ZC3H12B: variants seen among roughly 807,000 people sequenced by gnomAD.
ZC3H12B encodes the protein probable ribonuclease ZC3H12B.
A neutral mutation model predicts 43.9 loss-of-function variants in ZC3H12B; 7 were observed. That is an observed-to-expected ratio of 0.16 (90% CI 0.09 to 0.30). The LOEUF (loss-of-function observed/expected upper bound fraction) is 0.30. ZC3H12B is among the 10% of genes least tolerant of loss of function. The pLI is 1.00. For missense variants in ZC3H12B, 475 were observed against 670.2 expected (o/e 0.71, Z 3.22); for synonymous variants, 222 against 241.7 (o/e 0.92, Z 0.76).
chrX:65,273,502 G>A, the ZC3H12B span, among the ~76,000 whole-genome samples: 2 of 111,294 alleles, frequency 1.8e-5, no homozygotes, highest in African/African-American at 6.5e-5. Context: ...CCCAGAAAGA[G>A]AAGAGAAAGA....
At chrX:65,054,866 A>G in the ZC3H12B span, among the ~76,000 whole-genome samples, 1 of 111,342 alleles carries the variant, frequency 9.0e-6, no homozygotes, top group East Asian at 2.8e-4. Flanking sequence ...GTGGGAGTTC[A>G]CTCATGATTT....
intron 3 of ZC3H12B, among the ~76,000 whole-genome samples, chrX:65,472,180 T>C (rs1194440422): frequency 2.7e-5 from 3 of 111,973 alleles, no homozygotes; most frequent in African/African-American, 6.5e-5. Context: ...TGAGTATATG[T>C]GTTATCTGGA....
chrX:65,275,473 A>G, the ZC3H12B span, among the ~76,000 whole-genome samples: 5 of 113,079 alleles, frequency 4.4e-5, no homozygotes, highest in Non-Finnish European at 9.4e-5. Flanking sequence ...CTGACCCACT[A>G]TCTTCATGCA....
chrX:65,211,524 A>C, the ZC3H12B span, among the ~76,000 whole-genome samples: 1 of 105,074 alleles, frequency 9.5e-6, no homozygotes, highest in African/African-American at 3.4e-5. Flanking sequence ...TTTCCATCTT[A>C]GAAACAGAGA....
chrX:65,146,127 G>A, the ZC3H12B span, among the ~76,000 whole-genome samples: 6 of 110,819 alleles, frequency 5.4e-5, no homozygotes, highest in South Asian at 1.1e-3. Context: ...ATTATTTTTA[G>A]GTTTGGTCAT....
the ZC3H12B span, among the ~76,000 whole-genome samples, chrX:65,077,378 A>G: frequency 8.9e-6 from 1 of 112,081 alleles, no homozygotes; most frequent in Non-Finnish European, 1.9e-5. Context: ...CTCTGCTTCC[A>G]CTGCAGGTAG....
At chrX:65,440,252 G>A (rs750082681) in intron 3 of ZC3H12B, among the ~76,000 whole-genome samples, 10 of 112,139 alleles carry the variant, frequency 8.9e-5, no homozygotes, top group South Asian at 3.7e-4. Flanking sequence ...AGAGGTGTAT[G>A]AGCCCCAATG....
intron 3 of ZC3H12B, among the ~76,000 whole-genome samples, chrX:65,457,034 G>C (rs2067629124): frequency 2.0e-5 from 2 of 99,604 alleles, no homozygotes; most frequent in Non-Finnish European, 4.1e-5. Context: ...TCTAGGAAGT[G>C]AGGAGCGTCT....
chrX:65,452,130 G>T (rs2067523744), intron 3 of ZC3H12B, among the ~76,000 whole-genome samples: 1 of 111,248 alleles, frequency 9.0e-6, no homozygotes, highest in South Asian at 3.8e-4. Flanking sequence ...ACATGACAAG[G>T]TTGCCCACTC....
At chrX:65,142,294 G>C in the ZC3H12B span, among the ~76,000 whole-genome samples, 2 of 111,962 alleles carry the variant, frequency 1.8e-5, no homozygotes, top group African/African-American at 6.5e-5. Flanking sequence ...GTGGCTATTT[G>C]TACATCTTAT....
At chrX:65,165,023 CAT>C in the ZC3H12B span, among the ~76,000 whole-genome samples, 7 of 111,650 alleles carry the variant, frequency 6.3e-5, no homozygotes, top group Middle Eastern at 4.7e-3. Flanking sequence ...ACTTAGAGAA[CAT>C]AGAGAAAATG....
chrX:65,311,195 T>TAG, the ZC3H12B span, among the ~76,000 whole-genome samples: 5 of 111,281 alleles, frequency 4.5e-5, no homozygotes, highest in Admixed American at 9.5e-5. Context: ...AAACTACCAT[T>TAG]AGAGTGAACA....
chrX:65,272,967 T>C, the ZC3H12B span: 1 of 112,430 alleles, frequency 8.9e-6, no homozygotes, highest in Admixed American at 9.4e-5. Context: ...GTGTTCTGAC[T>C]TTAGCAACTG....
At chrX:65,058,007 G>T in the ZC3H12B span, among the ~76,000 whole-genome samples, 2 of 111,496 alleles carry the variant, frequency 1.8e-5, no homozygotes, top group Non-Finnish European at 1.9e-5. Flanking sequence ...AAGGTTTTTA[G>T]CTTCTTTGCG....
the ZC3H12B span, among the ~76,000 whole-genome samples, chrX:65,228,342 A>G: frequency 1.7e-4 from 19 of 111,730 alleles, no homozygotes; most frequent in Non-Finnish European, 3.0e-4. Flanking sequence ...AACACTTCAT[A>G]CTAAAAACTC....
At chrX:65,192,071 T>C in the ZC3H12B span, among the ~76,000 whole-genome samples, 8 of 110,521 alleles carry the variant, frequency 7.2e-5, no homozygotes, top group Non-Finnish European at 1.1e-4. Flanking sequence ...CAGTAGTCAT[T>C]GAGGAGCAGG....
chrX:65,402,160 C>T (rs1186434856), intron 3 of ZC3H12B, among the ~76,000 whole-genome samples: 1 of 111,634 alleles, frequency 9.0e-6, no homozygotes, highest in African/African-American at 3.3e-5. Flanking sequence ...CTTAAGGGAA[C>T]ATTGGTAGTA....
the ZC3H12B span, among the ~76,000 whole-genome samples, chrX:65,341,263 G>A: frequency 2.7e-5 from 3 of 111,852 alleles, no homozygotes; most frequent in African/African-American, 9.8e-5. Context: ...TGGGGAAAAT[G>A]GAAGAAACAT....
chrX:65,342,256 G>A, the ZC3H12B span, among the ~76,000 whole-genome samples: 2 of 111,331 alleles, frequency 1.8e-5, no homozygotes, highest in Non-Finnish European at 3.8e-5. Context: ...GGAGCACCTG[G>A]ATTTAGAAAG....
Sources: allele counts gnomAD v4.1 joint callset (sites outside exome capture counted in the v4.1 genomes callset), GRCh38; gene constraint gnomAD v4.1.1; transcripts MANE v1.5; gene names NCBI Gene and HGNC (gene_info 2026-07-23, HGNC 2026-07-21).